The following CHRNA7 variants were observed in gnomAD, a reference collection of about 807,000 sequenced individuals.
The protein encoded by CHRNA7 is cholinergic receptor nicotinic alpha 7 subunit, also known as neuronal acetylcholine receptor subunit alpha-7.
A neutral mutation model predicts 48.0 loss-of-function variants in CHRNA7; 17 were observed. The observed-to-expected ratio is 0.35, with a 90% confidence interval of 0.24 to 0.53. The LOEUF (loss-of-function observed/expected upper bound fraction) is 0.53, where lower values mean the gene tolerates loss of function less well. CHRNA7 is among the 20% of genes least tolerant of loss of function. CHRNA7 has a pLI of 0.92. For synonymous variants in CHRNA7, 75 were observed against 242.3 expected, an observed-to-expected ratio of 0.31 and a Z score of 6.41; for missense variants, 155 against 577.7, an observed-to-expected ratio of 0.27 and a Z score of 7.50.
intron 4 of CHRNA7, among the ~76,000 whole-genome samples, chr15:32,130,701 A>AT (rs2051140373): frequency 6.6e-6 from 1 of 151,582 alleles, no homozygotes; most frequent in South Asian, 2.1e-4. Context: ...TTGATATTAC[A>AT]TTTTATGTAT....
At chr15:32,156,154 C>T (rs1424194611) in intron 5 of CHRNA7, 2 of 134,140 alleles carry the variant, frequency 1.5e-5, no homozygotes, top group African/African-American at 3.0e-5. Flanking sequence ...CTCCCAGCAA[C>T]CACTGATCTG....
intron 2 of CHRNA7, among the ~76,000 whole-genome samples, chr15:32,062,980 A>G (rs2049903744): frequency 6.6e-6 from 1 of 152,204 alleles, no homozygotes; most frequent in South Asian, 2.1e-4. Flanking sequence ...ATGGTGCTTT[A>G]CTGAATAGTG....
intron 2 of CHRNA7, among the ~76,000 whole-genome samples, chr15:32,063,412 A>C (rs2049911895): frequency 6.6e-6 from 1 of 152,166 alleles, no homozygotes; most frequent in Non-Finnish European, 1.5e-5. Context: ...TATTATAAAA[A>C]TGCAAATGAG....
intron 2 of CHRNA7, among the ~76,000 whole-genome samples, chr15:32,054,567 C>T (rs747980329): frequency 2.2e-4 from 34 of 152,192 alleles, no homozygotes; most frequent in Non-Finnish European, 5.9e-5. Flanking sequence ...CAATACAGAC[C>T]TTCGCTCCTC....
rs1392850626 is a variant in CHRNA7, at chr15:32,045,880, C to T, written c.195+14843C>T. ...TCCCCTTCCTGTGACCATGTGTTCTCATTGTTCAATTCCCATCTATGAGTG... is the reference window on the plus strand; with the variant it reads ...TCCCCTTCCTGTGACCATGTGTTCTTATTGTTCAATTCCCATCTATGAGTG... On this transcript the variant is annotated intron_variant, in intron 2 of 9. Coordinates refer to ENST00000306901, the MANE Select transcript of CHRNA7 (RefSeq NM_000746.6). Among the ~76,000 whole-genome samples, 3 of 142,126 alleles carry T rather than the reference C, an allele frequency of 2.1e-5. No homozygotes were observed. In the South Asian group the frequency reaches 6.9e-4, roughly 33 times the overall value. The allele number at this position is 142,126 out of a possible 152,430, so 93.2% of individuals were successfully genotyped here.
At position 32,158,591 on chromosome 15, in the gene CHRNA7, GAGA is replaced by G. The variant is rs1175471997; in HGVS notation, c.782_784del (p.Lys261del). ...GTTCCTGCTTCCTGCAGATTCCGGG[GAGA>G]AGATTTCCCTGGGTAAGCGCCCCAG... is the stretch of plus-strand genomic sequence containing the variant. On this transcript the variant is annotated inframe_deletion, in exon 7 of 10. Coordinates refer to ENST00000306901, the MANE Select transcript of CHRNA7 (RefSeq NM_000746.6). 1.2e-5 allele frequency: 19 copies of G among 1,592,362 alleles called. No homozygotes were observed. The highest frequency in any genetic ancestry group is 1.4e-5 in the Non-Finnish European group (16 of 1,170,868).
At chr15:32,145,822 CTG>C (rs1416350957) in intron 4 of CHRNA7, among the ~76,000 whole-genome samples, 1 of 152,226 alleles carries the variant, frequency 6.6e-6, no homozygotes, top group African/African-American at 2.4e-5. Context: ...CAGGTACAGT[CTG>C]TCACAGCTTC....
intron 3 of CHRNA7, among the ~76,000 whole-genome samples, chr15:32,107,657 G>A (rs1435249339): frequency 6.6e-6 from 1 of 152,138 alleles, no homozygotes; most frequent in Non-Finnish European, 1.5e-5. Context: ...AGCGGACAGG[G>A]CGTCGTGGCC....
intron 4 of CHRNA7, among the ~76,000 whole-genome samples, chr15:32,123,461 A>G (rs1432215045): frequency 6.6e-6 from 1 of 152,224 alleles, no homozygotes; most frequent in Non-Finnish European, 1.5e-5. Context: ...TGTAAGTATG[A>G]GGTCTCTCAT....
At chr15:32,116,898 G>C (rs1237813507) in intron 4 of CHRNA7, among the ~76,000 whole-genome samples, 1 of 152,194 alleles carries the variant, frequency 6.6e-6, no homozygotes, top group African/African-American at 2.4e-5. Context: ...TCATCTGCAG[G>C]GTTGTGTCTT....
chr15:32,091,777 T>A (rs149372712), intron 2 of CHRNA7, among the ~76,000 whole-genome samples: 87 of 152,346 alleles, frequency 5.7e-4, no homozygotes, highest in Admixed American at 1.3e-3. Context: ...TCTGCTATGG[T>A]GTCAGCTCAC....
At chr15:32,088,168 CTTT>C (rs1260495888) in intron 2 of CHRNA7, among the ~76,000 whole-genome samples, 1 of 152,146 alleles carries the variant, frequency 6.6e-6, no homozygotes, top group East Asian at 1.9e-4. Flanking sequence ...TGTAGAATGT[CTTT>C]TTATTGGAAT....
At chr15:32,031,081 G>A (rs764082164) in intron 2 of CHRNA7, 44 bp downstream of exon 2, 2 of 1,608,836 alleles carry the variant, frequency 1.2e-6, no homozygotes, top group African/African-American at 1.3e-5. Context: ...CCCTTCCTGG[G>A]CTCCGAGGGG....
intron 4 of CHRNA7, among the ~76,000 whole-genome samples, chr15:32,114,595 TTTTTGAAGTAACTACTAAATATA>T (rs2050836390): frequency 2.0e-5 from 3 of 152,224 alleles, no homozygotes; most frequent in Admixed American, 6.5e-5. Context: ...TAGGACTTTC[TTTTTGAAGTAACTACTAAATATA>T]TTTTGAAGTA....
chr15:32,031,328 T>C (rs1901829291), intron 2 of CHRNA7, among the ~76,000 whole-genome samples: 3 of 152,218 alleles, frequency 2.0e-5, no homozygotes, highest in Non-Finnish European at 1.5e-5. Context: ...AACTCAAGCA[T>C]CCTGAGCTGG....
intron 2 of CHRNA7, among the ~76,000 whole-genome samples, chr15:32,032,486 T>C (rs766535391): frequency 1.3e-5 from 2 of 152,176 alleles, no homozygotes; most frequent in Non-Finnish European, 2.9e-5. Flanking sequence ...CTAAAGAATA[T>C]GGAAACAACT....
At chr15:32,150,418 C>T (rs1333921066) in intron 4 of CHRNA7, among the ~76,000 whole-genome samples, 5 of 152,144 alleles carry the variant, frequency 3.3e-5, no homozygotes, top group East Asian at 1.9e-4. Flanking sequence ...ACGCATCCCA[C>T]GTCTGGTGCG....
intron 4 of CHRNA7, among the ~76,000 whole-genome samples, chr15:32,150,547 A>G (rs371255913): frequency 6.6e-6 from 1 of 152,230 alleles, no homozygotes; most frequent in African/African-American, 2.4e-5. Context: ...TCATGGCCAG[A>G]GAGGCTTTAG....
At chr15:32,153,655 TATAC>T (rs1322947588) in intron 4 of CHRNA7, 2 of 629,756 alleles carry the variant, frequency 3.2e-6, no homozygotes, top group African/African-American at 3.7e-5. Flanking sequence ...CTTGGTTTTA[TATAC>T]ATTGTGAGAA....
Sources: allele counts gnomAD v4.1 joint callset (sites outside exome capture counted in the v4.1 genomes callset), GRCh38; gene constraint gnomAD v4.1.1; transcripts MANE v1.5; gene names NCBI Gene and HGNC (gene_info 2026-07-23, HGNC 2026-07-21).